Variants in SASH1 observed in about 807,000 individuals in gnomAD.
The protein encoded by SASH1 is SAM and SH3 domain containing 1, also known as SAM and SH3 domain-containing protein 1.
In SASH1, 44 loss-of-function variants were observed where a neutral mutation model predicts 125.2. The observed-to-expected ratio is 0.35, with a 90% CI of 0.28 to 0.45. SASH1 has a LOEUF of 0.45. Among genes scored for constraint, SASH1 ranks in the 20% least tolerant of loss-of-function variants. The probability of loss-of-function intolerance (pLI) is 1.00; values close to 1 mark genes in which losing one functional copy is unlikely to be tolerated. For missense variants in SASH1, 1,426 were observed against 1,614.5 expected, an observed-to-expected ratio of 0.88 and a Z score of 2.00; for synonymous variants, 639 against 649.1, an observed-to-expected ratio of 0.98 and a Z score of 0.24.
intron 1 of SASH1, among the ~76,000 whole-genome samples, chr6:148,379,464 G>A (rs544006282): frequency 6.6e-6 from 1 of 152,188 alleles, no homozygotes; most frequent in South Asian, 2.1e-4. Context: ...GGTCAGTAGG[G>A]ACAAGAATCG....
intron 1 of SASH1, among the ~76,000 whole-genome samples, chr6:148,336,625 G>C (rs1361422156): frequency 6.6e-6 from 1 of 152,316 alleles, no homozygotes; most frequent in African/African-American, 2.4e-5. Context: ...AATCTATGGG[G>C]AGGCCTTTAT....
chr6:148,227,118 C>T, the SASH1 span, among the ~76,000 whole-genome samples: 1 of 152,046 alleles, frequency 6.6e-6, no homozygotes, highest in Non-Finnish European at 1.5e-5. Flanking sequence ...TGAAATGTTC[C>T]TTGTGGTTTT....
chr6:148,343,737 A>G (rs1781422534), intron 1 of SASH1, among the ~76,000 whole-genome samples: 2 of 152,212 alleles, frequency 1.3e-5, no homozygotes, highest in South Asian at 2.1e-4. Context: ...GGCTAAAACA[A>G]TAGGACTTAT....
chr6:148,405,509 G>T (rs1784340449), intron 2 of SASH1, among the ~76,000 whole-genome samples: 2 of 152,086 alleles, frequency 1.3e-5, no homozygotes, highest in Non-Finnish European at 2.9e-5. Flanking sequence ...CTGGCAGTCT[G>T]CTCCTTCTCC....
intron 2 of SASH1, among the ~76,000 whole-genome samples, chr6:148,438,271 A>C (rs890036354): frequency 3.3e-5 from 5 of 152,228 alleles, no homozygotes; most frequent in African/African-American, 1.2e-4. Context: ...ACCTCCTGCC[A>C]TTTAAGTTTG....
chr6:148,283,859 G>A (rs1018254041), intron 1 of SASH1, among the ~76,000 whole-genome samples: 4 of 151,960 alleles, frequency 2.6e-5, no homozygotes, highest in Non-Finnish European at 5.9e-5. Flanking sequence ...ATCTACATCT[G>A]GTCTTACAAT....
intron 7 of SASH1, among the ~76,000 whole-genome samples, chr6:148,478,435 A>G (rs1182656108): frequency 1.3e-5 from 2 of 152,220 alleles, no homozygotes; most frequent in East Asian, 3.8e-4. Flanking sequence ...CAGAAAGTCA[A>G]ACTGCACAAG....
At chr6:148,327,923 A>G in intron 1 of SASH1, among the ~76,000 whole-genome samples, 1 of 148,308 alleles carries the variant, frequency 6.7e-6, no homozygotes, top group Non-Finnish European at 1.5e-5. Context: ...CCTGGGTGAC[A>G]GAGCAAGACT....
chr6:148,305,623 C>CAAAAAAAAAAAAAAAAAAAAAAAAAAA (rs59521298), intron 1 of SASH1, among the ~76,000 whole-genome samples: 2 of 104,380 alleles, frequency 1.9e-5, no homozygotes, highest in Non-Finnish European at 3.7e-5. Flanking sequence ...GACTCTGACT[C>CAAAAAAAAAAAAAAAAAAAAAAAAAAA]AAAAAAAAAA....
rs543766047 is a variant in SASH1 at position 148,351,778 on chromosome 6, A to T, written c.156+8555A>T. Among the ~76,000 whole-genome samples, 18 of 149,954 alleles carry T rather than the reference A, an allele frequency of 1.2e-4. No individual in the cohort carries two copies. The South Asian group carries it at 3.9e-3, about 32-fold the overall frequency. Reference sequence around the variant, plus strand: ...TGTATTGGTCTTGCTGTCAGCCAACAATTGTTTTTAACCTAGAGCTAAAAC... The same window carrying T: ...TGTATTGGTCTTGCTGTCAGCCAACTATTGTTTTTAACCTAGAGCTAAAAC... On this transcript the variant is annotated intron_variant, in intron 1 of 19. Coordinates refer to ENST00000367467, the MANE Select transcript of SASH1 (RefSeq NM_015278.5).
the SASH1 span, among the ~76,000 whole-genome samples, chr6:148,226,409 G>A: frequency 6.6e-6 from 1 of 152,194 alleles, no homozygotes; most frequent in East Asian, 1.9e-4. Flanking sequence ...GGGAGGTAAT[G>A]CATGCCTACA....
At chr6:148,461,066 CCAGA>C (rs1777591525) in intron 4 of SASH1, among the ~76,000 whole-genome samples, 1 of 152,176 alleles carries the variant, frequency 6.6e-6, no homozygotes, top group Non-Finnish European at 1.5e-5. Flanking sequence ...TTCCCCAGTG[CCAGA>C]CACTGCGCAA....
chr6:148,542,855 T>C (rs1334961453), intron 17 of SASH1, among the ~76,000 whole-genome samples: 1 of 122,870 alleles, frequency 8.1e-6, no homozygotes, highest in African/African-American at 3.0e-5. Flanking sequence ...AGGGACAGTG[T>C]GTGTGTGTGT....
chr6:148,371,696 T>C (rs1782712326), intron 1 of SASH1, among the ~76,000 whole-genome samples: 1 of 152,104 alleles, frequency 6.6e-6, no homozygotes, highest in Non-Finnish European at 1.5e-5. Context: ...TCTGGGTTCA[T>C]GGTGGTCCTA....
In SASH1 at chr6:148,533,901, G is replaced by T; in HGVS notation, c.1865G>T (p.Arg622Leu). 1 of 1,613,998 alleles carries T rather than the reference G, an allele frequency of 6.2e-7. No homozygotes were observed. The highest frequency in any genetic ancestry group is 8.5e-7 in the Non-Finnish European group (1 of 1,179,952). Residue 622 changes from arginine to leucine, a missense_variant, in exon 15 of 20, where the codon CGC (arginine) becomes CTC (leucine). Arg to Leu is a moderately radical substitution (Grantham distance 102, BLOSUM62 -2). Transcript: ENST00000367467. The surrounding 1 kb of genome is among the most constrained non-coding windows in gnomAD (Gnocchi z 6.2). Reference protein sequence around the residue: ...VLSEDEEKPKRPTRRRRKGRP... With the variant: ...VLSEDEEKPKLPTRRRRKGRP... Reference sequence around the variant, plus strand: ...AGTGAAGACGAGGAGAAACCCAAACGCCCCACCAGGAGGCGTCGGAAAGGA... The same window carrying T: ...AGTGAAGACGAGGAGAAACCCAAACTCCCCACCAGGAGGCGTCGGAAAGGA...
At chr6:148,246,838 T>G in the SASH1 span, among the ~76,000 whole-genome samples, 17 of 152,258 alleles carry the variant, frequency 1.1e-4, no homozygotes, top group Non-Finnish European at 7.3e-5. Context: ...TTTACTGGTA[T>G]CCAAAGAATA....
intron 4 of SASH1, among the ~76,000 whole-genome samples, chr6:148,455,147 C>T (rs1777275498): frequency 6.6e-6 from 1 of 152,168 alleles, no homozygotes; most frequent in Non-Finnish European, 1.5e-5. Context: ...GCAAGCATAT[C>T]TGCACATCAC....
intron 1 of SASH1, among the ~76,000 whole-genome samples, chr6:148,319,988 T>A (rs1173849944): frequency 2.0e-5 from 3 of 152,240 alleles, no homozygotes; most frequent in Non-Finnish European, 4.4e-5. Context: ...ACCATACTGC[T>A]GTTGAAGTCA....
In SASH1 at chr6:148,363,860, G is replaced by T. The variant is rs190515945; in HGVS notation, c.156+20637G>T. On this transcript the variant is annotated intron_variant, in intron 1 of 19. Transcript: ENST00000367467. ...AGGGTTAGCAATGAAAGTAAAAGAG[G>T]ATATGGAGAAAATGGAAACCACTTA... Among the ~76,000 whole-genome samples the T allele has an allele frequency of 4.6e-5, 7 of 152,150 alleles. No homozygotes were observed. The East Asian group carries it at 1.4e-3, about 29-fold the overall frequency.
Sources: allele counts gnomAD v4.1 joint callset (sites outside exome capture counted in the v4.1 genomes callset), GRCh38; gene constraint gnomAD v4.1.1; non-coding constraint Gnocchi (gnomAD v3.1); transcripts MANE v1.5; gene names NCBI Gene and HGNC (gene_info 2026-07-23, HGNC 2026-07-21).